The following STAB1 variants were observed in gnomAD, a reference collection of about 807,000 sequenced individuals.
STAB1 encodes stabilin 1.
In STAB1, 250 loss-of-function variants were observed where a neutral mutation model predicts 332.4. That is an observed-to-expected ratio of 0.75 (90% confidence interval 0.68 to 0.84). The LOEUF (loss-of-function observed/expected upper bound fraction) is 0.84. Among genes scored for constraint, STAB1 ranks in the 40% least tolerant of loss-of-function variants. STAB1 has a pLI of 0.00. For synonymous variants in STAB1, 1,475 were observed against 1,390.4 expected (o/e 1.06, Z -1.35); for missense variants, 3,249 against 3,489.7 (o/e 0.93, Z 1.74).
At position 52,516,741 on chromosome 3, in the gene STAB1, T is replaced by C; in HGVS notation, c.4336T>C (p.Tyr1446His). 2 of 1,611,322 alleles carry C rather than the reference T, an allele frequency of 1.2e-6. No homozygotes were observed. Among genetic ancestry groups the C allele is most frequent in the East Asian group, 4.5e-5 (2 of 44,816 alleles). Residue 1446 changes from tyrosine to histidine, a missense_variant, in exon 41 of 69, where the codon TAC (tyrosine) becomes CAC (histidine). By Grantham distance (83) the Tyr-to-His change is moderately conservative (BLOSUM62 2). Transcript: ENST00000321725. Reference sequence around the variant, plus strand: ...CTCCACCTGCGCCTGTGCTGCGGGATACTCCGGCAATGGCATCTTCTGTTC... The same window carrying C: ...CTCCACCTGCGCCTGTGCTGCGGGACACTCCGGCAATGGCATCTTCTGTTC... ...GASTCACAAG[Y>H]SGNGIFCSEV...
intron 2 of STAB1, 126 bp downstream of exon 2, chr3:52,501,428 C>G: frequency 6.9e-7 from 1 of 1,453,166 alleles, no homozygotes; most frequent in Non-Finnish European, 9.4e-7. Flanking sequence ...GTGGCCCCAC[C>G]TGGGTGGTGG....
At chr3:52,516,801 G>A (rs2078882226) in intron 41 of STAB1, 33 bp downstream of exon 41, 2 of 1,597,934 alleles carry the variant, frequency 1.3e-6, no homozygotes, top group Non-Finnish European at 1.7e-6. Flanking sequence ...GGCCCTCCCT[G>A]AAATTTTGGG....
chr3:52,502,799 A>C, intron 6 of STAB1, 72 bp downstream of exon 6: 1 of 1,512,000 alleles, frequency 6.6e-7, no homozygotes, highest in Non-Finnish European at 9.0e-7. Flanking sequence ...CGACTGGGTG[A>C]GGATGGGGCC....
Position 52,513,126 on chromosome 3 carries a change from T to G in STAB1, c.3159-4T>G. The G allele has an allele frequency of 6.4e-7, 1 of 1,562,572 alleles. No individual in the cohort carries two copies. Among genetic ancestry groups the G allele is most frequent in the Non-Finnish European group, 8.7e-7 (1 of 1,153,102 alleles). ...CATGACCCCCCTAAACTGTGCCCTG[T>G]CAGGGCCCATTTTCTCCAGGGTGCC... is the stretch of plus-strand genomic sequence containing the variant. On this transcript the variant is annotated splice_polypyrimidine_tract_variant and splice_region_variant and intron_variant, in intron 29 of 68. Transcript: ENST00000321725.
At chr3:52,509,420 A>T (rs972667027) in intron 22 of STAB1, 99 bp downstream of exon 22, 5 of 1,015,746 alleles carry the variant, frequency 4.9e-6, no homozygotes, top group Non-Finnish European at 5.7e-6. Context: ...CCCCAGGAGG[A>T]GGGACGAAGG....
rs760614786 is a variant in STAB1 at position 52,503,768 on chromosome 3, C to T, written c.892-4C>T. ...TGTTCCCCTCCTGCCCTGTCGGGGG[C>T]CAGGCCTTCTGCACCTGCCGGCCAG... On this transcript the variant is annotated splice_polypyrimidine_tract_variant and splice_region_variant and intron_variant, in intron 8 of 68. Transcript: ENST00000321725. 2 of 1,612,968 alleles carry T rather than the reference C, an allele frequency of 1.2e-6. No individual in the cohort carries two copies. Among genetic ancestry groups the T allele is most frequent in the Non-Finnish European group, 8.5e-7 (1 of 1,179,994 alleles).
At chr3:52,499,891 T>G (rs1468647178) in intron 1 of STAB1, among the ~76,000 whole-genome samples, 1 of 34,082 alleles carries the variant, frequency 2.9e-5, no homozygotes, top group Non-Finnish European at 5.1e-5. Context: ...AGAGCGAGAC[T>G]CCATCTCAAA....
intron 19 of STAB1, 80 bp downstream of exon 19, chr3:52,507,755 G>T: frequency 6.4e-7 from 1 of 1,572,384 alleles, no homozygotes; most frequent in Non-Finnish European, 8.7e-7. Flanking sequence ...GGGTGGGTGG[G>T]GGAAGCAGAG....
chr3:52,507,962 A>G lies in STAB1; in HGVS notation c.2084A>G (p.His695Arg), dbSNP rs756559855. The change falls in exon 20 of 69, where the codon CAT becomes CGT. Residue 695 changes from histidine (H) to arginine (R), a missense_variant. Coordinates refer to ENST00000321725, the MANE Select transcript of STAB1 (RefSeq NM_015136.3). ...TTCCCCAAGGAGTGTGTCTACATCC[A>G]TGACCCAACGGGGCTCAATGTGCTA... ...DIFPKECVYIHDPTGLNVLKK... is the reference protein window; with the variant it reads ...DIFPKECVYIRDPTGLNVLKK... 5.0e-6 allele frequency: 8 copies of G among 1,613,572 alleles called. No individual in the cohort carries two copies. Among genetic ancestry groups the G allele is most frequent in the Non-Finnish European group, 6.8e-6 (8 of 1,179,992 alleles).
intron 1 of STAB1, among the ~76,000 whole-genome samples, chr3:52,500,856 A>G (rs749303632): frequency 7.2e-5 from 11 of 152,166 alleles, no homozygotes; most frequent in Non-Finnish European, 1.3e-4. Context: ...TAGATTCTCT[A>G]GTGTCAGAGG....
chr3:52,515,085 T>A lies in STAB1; in HGVS notation c.3864+40T>A, dbSNP rs375625861. ...AGCGCAGCTCTGTCCCTGTGTTGCC[T>A]GCCCTCACTTCTTCCAAGGTGCCCA... On this transcript the variant is annotated intron_variant, in intron 36 of 68. Transcript: ENST00000321725. 7 of 1,606,854 alleles carry A rather than the reference T, an allele frequency of 4.4e-6. No homozygotes were observed. The African/African-American group carries it at 8.0e-5, about 18-fold the overall frequency.
chr3:52,516,885 C>G (rs1212656954), intron 41 of STAB1, 99 bp from the exon 42 acceptor site: 2 of 1,597,730 alleles, frequency 1.3e-6, no homozygotes, highest in African/African-American at 2.7e-5. Context: ...CAGGACTCAC[C>G]CTTCCCTCTG....
rs1165696043 is a variant in STAB1 at position 52,523,496 on chromosome 3, G to A, written c.7210G>A (p.Gly2404Arg). 2.5e-6 allele frequency: 4 copies of A among 1,612,544 alleles called. No individual in the cohort carries two copies. The highest frequency in any genetic ancestry group is 3.4e-6 in the Non-Finnish European group (4 of 1,179,680). ...ATLLSANASQ[G>R]KLLPAHSGLS... ...CCTCCTAAGTGCCAACGCCAGCCAGGGGAAGTTGCTTCCGGCCCACTCAGG... is the reference window on the plus strand; with the variant it reads ...CCTCCTAAGTGCCAACGCCAGCCAGAGGAAGTTGCTTCCGGCCCACTCAGG... The change falls in exon 65 of 69, where the codon GGG becomes AGG. Residue 2404 changes from glycine (G) to arginine (R), a missense_variant. Transcript: ENST00000321725.
Position 52,524,001 on chromosome 3 carries a change from G to C in STAB1, c.7526G>C (p.Gly2509Ala). The C allele has an allele frequency of 6.2e-7, 1 of 1,612,156 alleles. No homozygotes were observed. Among genetic ancestry groups the C allele is most frequent in the Non-Finnish European group, 8.5e-7 (1 of 1,179,816 alleles). ...LRARGKPMGF[G>A]FSAFQAEDDA... ...GCCCGAGGCAAGCCCATGGGCTTTG[G>C]CTTCTCTGCCTTCCAGGTAGGGCTG... The change falls in exon 67 of 69, where the codon GGC becomes GCC. Residue 2509 changes from glycine to alanine, a missense_variant. Physicochemically the swap from Gly to Ala is moderately conservative, Grantham distance 60. Coordinates refer to ENST00000321725, the MANE Select transcript of STAB1 (RefSeq NM_015136.3).
chr3:52,500,190 C>T (rs1181309375), intron 1 of STAB1, among the ~76,000 whole-genome samples: 1 of 152,234 alleles, frequency 6.6e-6, no homozygotes, highest in Non-Finnish European at 1.5e-5. Flanking sequence ...CGGGCCACTG[C>T]CTGCCTTGTC....
intron 19 of STAB1, 99 bp from the exon 20 acceptor site, chr3:52,507,832 C>A (rs1708988969): frequency 6.8e-7 from 1 of 1,463,834 alleles, no homozygotes; most frequent in Non-Finnish European, 9.5e-7. Flanking sequence ...GGTTAGAGTT[C>A]TGGACCCAGG....
In STAB1 at chr3:52,508,281, C is replaced by G. The variant is rs750607391; in HGVS notation, c.2157C>G (p.Gly719=). 1.2e-6 allele frequency: 2 copies of G among 1,612,772 alleles called. No homozygotes were observed. Among genetic ancestry groups the G allele is most frequent in the South Asian group, 2.2e-5 (2 of 91,006 alleles). Residue 719 remains glycine, a synonymous_variant, in exon 21 of 69, where the codon GGC becomes GGG. Transcript: ENST00000321725. ...SYCNQTIMEQ[G]CCKGFFGPDC... ...TGTTCTGTCTCTTATAGGAACAAGG[C>G]TGCTGCAAAGGTTTTTTCGGGCCTG...
Position 52,524,356 on chromosome 3 carries a change from A to G in STAB1, c.7713A>G (p.Ter2571TrpextTer5), listed in dbSNP as rs1408774918. Reference protein sequence around the residue: ...PDTQRILTVK* With the variant: ...PDTQRILTVKW ...CCCAGAGGATCCTCACAGTCAAGTG[A>G]CGAGGCTGGGGCTGAAAGCAGAAGC... The change falls in exon 69 of 69, where the codon TGA becomes TGG. Residue 2571 changes from the stop codon to tryptophan, a stop_lost. Coordinates refer to ENST00000321725, the MANE Select transcript of STAB1 (RefSeq NM_015136.3). 6.2e-7 allele frequency: 1 copy of G among 1,613,740 alleles called. No individual in the cohort carries two copies. Among genetic ancestry groups the G allele is most frequent in the Non-Finnish European group, 8.5e-7 (1 of 1,180,000 alleles).
In STAB1 at chr3:52,512,430, C is replaced by T. The variant is rs1709364491; in HGVS notation, c.2973C>T (p.Ile991=). 6.2e-7 allele frequency: 1 copy of T among 1,610,176 alleles called. No homozygotes were observed. The highest frequency in any genetic ancestry group is 1.1e-5 in the South Asian group (1 of 90,860). ...GGDGFSCYGD[I]FRELEANAHF... is the part of the protein sequence containing the mutation. ...ATGGCTTCAGCTGTTATGGAGACAT[C>T]TTCCGGGTAAGGGGTGCTCAGACTC... Residue 991 remains isoleucine (I), a synonymous_variant, in exon 27 of 69, where the codon ATC becomes ATT. Coordinates refer to ENST00000321725, the MANE Select transcript of STAB1 (RefSeq NM_015136.3).
Sources: allele counts gnomAD v4.1 joint callset (sites outside exome capture counted in the v4.1 genomes callset), GRCh38; gene constraint gnomAD v4.1.1; transcripts MANE v1.5; gene names NCBI Gene and HGNC (gene_info 2026-07-23, HGNC 2026-07-21).